The following PTPRD variants were observed in gnomAD, a reference collection of about 807,000 sequenced individuals.
PTPRD encodes receptor-type tyrosine-protein phosphatase delta.
A neutral mutation model predicts 214.5 loss-of-function variants in PTPRD; 34 were observed. The ratio of observed to expected loss-of-function variants is 0.16; its 90% CI spans 0.12 to 0.21. The LOEUF is 0.21. Among genes scored for constraint, PTPRD ranks in the 10% least tolerant of loss-of-function variants. The pLI is 1.00. For missense variants in PTPRD, 2,545 were observed against 2,398.7 expected (o/e 1.06, Z -1.27); for synonymous variants, 1,128 against 845.7 (o/e 1.33, Z -5.79).
intron 14 of PTPRD, among the ~76,000 whole-genome samples, chr9:8,565,803 G>A (rs971729536): frequency 1.3e-5 from 2 of 152,144 alleles, no homozygotes; most frequent in Non-Finnish European, 2.9e-5. Context: ...ACTGGGGTAA[G>A]TTATTCATCA....
intron 3 of PTPRD, among the ~76,000 whole-genome samples, chr9:10,186,304 A>G (rs1040768129): frequency 1.3e-5 from 2 of 152,132 alleles, no homozygotes; most frequent in Non-Finnish European, 2.9e-5. Context: ...AATTTATATG[A>G]TCAATCTTTT....
At chr9:10,038,838 C>T (rs780717301) in intron 3 of PTPRD, among the ~76,000 whole-genome samples, 4 of 152,026 alleles carry the variant, frequency 2.6e-5, no homozygotes, top group Non-Finnish European at 5.9e-5. Context: ...TCCCTCCCCT[C>T]AATCCCTATG....
intron 7 of PTPRD, among the ~76,000 whole-genome samples, chr9:9,582,957 G>T (rs1449630612): frequency 6.6e-6 from 1 of 151,908 alleles, no homozygotes; most frequent in East Asian, 1.9e-4. Flanking sequence ...TTATACAATT[G>T]AAAGTCATTT....
chr9:8,931,373 T>A (rs1471993762), intron 11 of PTPRD, among the ~76,000 whole-genome samples: 1 of 152,138 alleles, frequency 6.6e-6, no homozygotes, highest in African/African-American at 2.4e-5. Context: ...AGCCTTGTAG[T>A]ATAGTTTGAA....
intron 14 of PTPRD, among the ~76,000 whole-genome samples, chr9:8,606,220 T>A (rs1235095623): frequency 6.6e-6 from 1 of 152,086 alleles, no homozygotes; most frequent in African/African-American, 2.4e-5. Flanking sequence ...TCCAAATAAC[T>A]GTCTTTACAT....
chr9:10,463,221 T>C (rs928314051), intron 2 of PTPRD, among the ~76,000 whole-genome samples: 4 of 152,122 alleles, frequency 2.6e-5, no homozygotes, highest in Non-Finnish European at 5.9e-5. Flanking sequence ...TTCTGGGTGC[T>C]AGGATTACAA....
intron 6 of PTPRD, among the ~76,000 whole-genome samples, chr9:9,737,740 G>A (rs892702147): frequency 1.1e-4 from 16 of 152,086 alleles, no homozygotes; most frequent in East Asian, 5.8e-4. Context: ...TTCACTAGCC[G>A]AAGGACATTT....
At chr9:10,437,013 C>A (rs979921092) in intron 2 of PTPRD, among the ~76,000 whole-genome samples, 8 of 151,658 alleles carry the variant, frequency 5.3e-5, no homozygotes, top group African/African-American at 1.9e-4. Flanking sequence ...GGAAGCAGTC[C>A]CTTAGCTGCT....
At chr9:9,937,144 G>A (rs545760577) in intron 5 of PTPRD, among the ~76,000 whole-genome samples, 2 of 152,088 alleles carry the variant, frequency 1.3e-5, no homozygotes, top group Non-Finnish European at 2.9e-5. Context: ...GTTAATGGGT[G>A]CAGCGCACCA....
chr9:9,356,061 A>G (rs941251174), intron 9 of PTPRD, among the ~76,000 whole-genome samples: 2 of 151,402 alleles, frequency 1.3e-5, no homozygotes, highest in Non-Finnish European at 1.5e-5. Flanking sequence ...TGATGGAGTA[A>G]AAGCCTAACT....
At chr9:9,994,851 A>G (rs1425793062) in intron 4 of PTPRD, among the ~76,000 whole-genome samples, 1 of 152,114 alleles carries the variant, frequency 6.6e-6, no homozygotes, top group African/African-American at 2.4e-5. Context: ...TTTTTAGGTG[A>G]GAGTAGTTAA....
At chr9:9,128,324 C>A (rs2099837264) in intron 10 of PTPRD, among the ~76,000 whole-genome samples, 1 of 152,160 alleles carries the variant, frequency 6.6e-6, no homozygotes, top group African/African-American at 2.4e-5. Flanking sequence ...CATTTGCGCA[C>A]AGAAACATAA....
chr9:9,813,918 T>C (rs1466109107), intron 5 of PTPRD, among the ~76,000 whole-genome samples: 1 of 152,128 alleles, frequency 6.6e-6, no homozygotes, highest in Non-Finnish European at 1.5e-5. Flanking sequence ...CAATGATCAA[T>C]TGGGATTTAT....
At position 8,633,332 on chromosome 9, in the gene PTPRD, G is replaced by C. The variant is rs1595727732; in HGVS notation, c.337C>G (p.Leu113Val). 2 of 1,611,922 alleles carry C rather than the reference G, an allele frequency of 1.2e-6. No individual in the cohort carries two copies. Among genetic ancestry groups the C allele is most frequent in the African/African-American group, 1.3e-5 (1 of 74,878 alleles). Residue 113 changes from leucine (L) to valine (V), a missense_variant, in exon 14 of 46, where the codon CTC (leucine) becomes GTC (valine). Coordinates refer to ENST00000381196, the MANE Select transcript of PTPRD (RefSeq NM_002839.4). The part of the protein sequence containing the change: ...NVGEISVSTR[L>V]TVLREDQIPR... ...GAGCACTTACCCCGCAAAACTGTGA[G>C]TCTGGTGGATACACTTATTTCTCCC...
chr9:9,963,426 T>TA (rs111711541), intron 4 of PTPRD, among the ~76,000 whole-genome samples: 39,241 of 152,034 alleles, frequency 0.26, 7,455 homozygotes, highest in African/African-American at 0.54. Flanking sequence ...TTTATAACTT[T>TA]ATAATTAACC....
chr9:9,648,406 G>C (rs900041977), intron 7 of PTPRD, among the ~76,000 whole-genome samples: 6 of 152,098 alleles, frequency 3.9e-5, no homozygotes, highest in African/African-American at 1.2e-4. Context: ...TTTAAAGTAT[G>C]GTCATAACGT....
At chr9:8,470,606 T>C (rs1301059022) in intron 31 of PTPRD, among the ~76,000 whole-genome samples, 1 of 152,108 alleles carries the variant, frequency 6.6e-6, no homozygotes, top group Non-Finnish European at 1.5e-5. Context: ...AATTGCAACT[T>C]GGTGTTTGTG....
At chr9:9,566,464 C>T (rs1018517624) in intron 8 of PTPRD, among the ~76,000 whole-genome samples, 10 of 151,798 alleles carry the variant, frequency 6.6e-5, no homozygotes, top group African/African-American at 1.7e-4. Flanking sequence ...TAAACTTGTG[C>T]GAGAGCTTAT....
intron 5 of PTPRD, among the ~76,000 whole-genome samples, chr9:9,789,941 A>C (rs1245081014): frequency 1.3e-5 from 2 of 152,158 alleles, no homozygotes; most frequent in Non-Finnish European, 2.9e-5. Context: ...TCAGGTCTTC[A>C]AAAACAGAGG....
Sources: gnomAD v4.1 joint callset for allele counts (sites outside exome capture counted in the v4.1 genomes callset) on GRCh38, gnomAD v4.1.1 for gene constraint, MANE v1.5 for transcripts, NCBI Gene and HGNC (gene_info 2026-07-23, HGNC 2026-07-21) for gene names.